The following BMP8A variants were observed in gnomAD, a reference collection of about 807,000 sequenced individuals.
The protein encoded by BMP8A is BMP-8A.
Under a neutral mutation model 36.8 loss-of-function variants are expected in BMP8A, and 14 were observed. The ratio of observed to expected loss-of-function variants is 0.38; its 90% CI spans 0.25 to 0.60. BMP8A has a LOEUF of 0.60. Among genes scored for constraint, BMP8A ranks in the 20% least tolerant of loss-of-function variants. BMP8A has a pLI of 0.63. For synonymous variants in BMP8A, 120 were observed against 237.7 expected (o/e 0.50, Z 4.55); for missense variants, 267 against 551.1 (o/e 0.48, Z 5.16).
intron 1 of BMP8A, among the ~76,000 whole-genome samples, chr1:39,506,695 T>G (rs1383926388): frequency 6.6e-6 from 1 of 152,028 alleles, no homozygotes. Context: ...ACTCCCTGCA[T>G]TATTCCCAGC....
chr1:39,497,359 T>C lies in BMP8A; in HGVS notation c.334+5034T>C, dbSNP rs1045076443. Among the ~76,000 whole-genome samples, 4 of 152,206 alleles carry C rather than the reference T, an allele frequency of 2.6e-5. No individual in the cohort carries two copies. The East Asian group carries it at 7.7e-4, about 29-fold the overall frequency. ...GGTAAGTGAGCCAGCCTCCCGGGGT[T>C]GCATGCAGTGTGGCCAGCTGGAAGC... On this transcript the variant is annotated intron_variant, in intron 1 of 6. Transcript: ENST00000331593.
At chr1:39,517,819 G>A (rs1262306811) in intron 3 of BMP8A, among the ~76,000 whole-genome samples, 2 of 152,268 alleles carry the variant, frequency 1.3e-5, no homozygotes, top group African/African-American at 4.8e-5. Flanking sequence ...GAGGGGAGAG[G>A]CTGCCGGTCC....
chr1:39,507,854 T>C (rs1284517044), intron 1 of BMP8A, among the ~76,000 whole-genome samples: 1 of 152,228 alleles, frequency 6.6e-6, no homozygotes, highest in African/African-American at 2.4e-5. Context: ...GCGTGGACAC[T>C]GAGCCCAGAA....
rs1191243739 is a variant in BMP8A at position 39,527,603 on chromosome 1, T to C, written c.*1805T>C. ...CCCTCCACCTGGACCAGGGAGGGCC[T>C]CCATGTGCAAGCGCAGAGGAAGAGA... On this transcript the variant is annotated 3_prime_UTR_variant, in exon 7 of 7. Coordinates refer to ENST00000331593, the MANE Select transcript of BMP8A (RefSeq NM_181809.4). 3.9e-5 allele frequency among the ~76,000 whole-genome samples: 6 copies of C among 152,168 alleles called. 1 individual carries two copies. The highest frequency in any genetic ancestry group is 8.8e-5 in the Non-Finnish European group (6 of 68,020).
chr1:39,523,424 G>A, intron 6 of BMP8A: 1 of 1,135,448 alleles, frequency 8.8e-7, no homozygotes, highest in East Asian at 2.8e-5. Context: ...GCGCTCAGAG[G>A]CACAGCACAT....
In BMP8A at chr1:39,524,475, G is replaced by A. The variant is rs950441656; in HGVS notation, c.1060-1174G>A. 2.5e-4 allele frequency among the ~76,000 whole-genome samples: 38 copies of A among 152,198 alleles called. No homozygotes were observed. Among genetic ancestry groups the A allele is most frequent in the African/African-American group, 8.9e-4 (37 of 41,450 alleles). On this transcript the variant is annotated intron_variant, in intron 6 of 6. Transcript: ENST00000331593. The surrounding 1 kb of genome is among the most constrained non-coding windows in gnomAD (Gnocchi z 4.0). ...GCCCAGCCTCTCCACACAAGGAGGG[G>A]CACGTCAGCAGCTGGAGGAGGAATG...
chr1:39,496,147 A>AAGATGACTTTCTAGT (rs1645203385), intron 1 of BMP8A, among the ~76,000 whole-genome samples: 5 of 149,520 alleles, frequency 3.3e-5, no homozygotes, highest in South Asian at 2.1e-4. Flanking sequence ...TTTACCAGGG[A>AAGATGACTTTCTAGT]CCTCTTTCAT....
chr1:39,522,828 A>G (rs2252888), intron 5 of BMP8A, among the ~76,000 whole-genome samples, 179 bp from the exon 6 acceptor site: 76 of 146,584 alleles, frequency 5.2e-4, no homozygotes, highest in East Asian at 3.8e-3. Context: ...GGGAGGGGAC[A>G]CAAAGTGAAG....
Position 39,523,450 on chromosome 1 carries a change from A to G in BMP8A, c.1059+333A>G, listed in dbSNP as rs1479579193. ...CACAGCACATGAAACAGATGTGTACACTGTGTGGGGGCTGTGTGATCTTAA... is the reference window on the plus strand; with the variant it reads ...CACAGCACATGAAACAGATGTGTACGCTGTGTGGGGGCTGTGTGATCTTAA... On this transcript the variant is annotated intron_variant, in intron 6 of 6. Transcript: ENST00000331593. 8 of 1,224,932 alleles carry G rather than the reference A, an allele frequency of 6.5e-6. No individual in the cohort carries two copies. The African/African-American group carries it at 1.3e-4, about 19-fold the overall frequency. 75.9% of individuals were successfully genotyped at this position (1,224,932 alleles called of 1,614,324 possible). A position where few individuals can be genotyped will look rare whatever the true frequency, so the allele number is the denominator to read the frequency against.
rs1313570874 is a variant in BMP8A, at chr1:39,524,049, C to G, written c.1059+932C>G. Among the ~76,000 whole-genome samples the G allele has an allele frequency of 6.6e-6, 1 of 152,042 alleles. No homozygotes were observed. Among genetic ancestry groups the G allele is most frequent in the Non-Finnish European group, 1.5e-5 (1 of 68,018 alleles). On this transcript the variant is annotated intron_variant, in intron 6 of 6. Transcript: ENST00000331593. This position sits in a 1 kb window ranked among gnomAD's most constrained non-coding sequence, Gnocchi z 4.0. Reference sequence around the variant, plus strand: ...CCTTGGTGTGAGAGGAAAGAAATTACCAAAAGCTGCTCTGAGCCTATGATA... The same window carrying G: ...CCTTGGTGTGAGAGGAAAGAAATTAGCAAAAGCTGCTCTGAGCCTATGATA...
At chr1:39,506,689 C>T (rs1370577933) in intron 1 of BMP8A, among the ~76,000 whole-genome samples, 1 of 151,946 alleles carries the variant, frequency 6.6e-6, no homozygotes, top group Non-Finnish European at 1.5e-5. Context: ...CCCCACACTC[C>T]CTGCATTATT....
Position 39,524,613 on chromosome 1 carries a change from G to A in BMP8A, c.1060-1036G>A, listed in dbSNP as rs1391872134. ...GTGAAGGGGAGGAGAGTGGAGGGAG[G>A]TGATGCCGGGGTGAGCCAGGCCAGC... On this transcript the variant is annotated intron_variant, in intron 6 of 6. Coordinates refer to ENST00000331593, the MANE Select transcript of BMP8A (RefSeq NM_181809.4). This position sits in a 1 kb window ranked among gnomAD's most constrained non-coding sequence, Gnocchi z 4.0. Among the ~76,000 whole-genome samples, 2 of 152,138 alleles carry A rather than the reference G, an allele frequency of 1.3e-5. No homozygotes were observed. The highest frequency in any genetic ancestry group is 2.9e-5 in the Non-Finnish European group (2 of 68,010).
At chr1:39,499,415 T>G (rs186388610) in intron 1 of BMP8A, among the ~76,000 whole-genome samples, 11 of 152,354 alleles carry the variant, frequency 7.2e-5, no homozygotes, top group Non-Finnish European at 1.5e-4. Flanking sequence ...GGCCACAGGA[T>G]TCTGCTCTGA....
intron 6 of BMP8A, chr1:39,525,243 G>T (rs752280488): frequency 1.8e-4 from 33 of 180,582 alleles, no homozygotes; most frequent in Non-Finnish European, 3.1e-4. Flanking sequence ...AGAGCCTCTG[G>T]GGGGGTCTGA....
At chr1:39,496,049 G>C (rs1162390883) in intron 1 of BMP8A, among the ~76,000 whole-genome samples, 6 of 152,172 alleles carry the variant, frequency 3.9e-5, no homozygotes, top group Non-Finnish European at 7.3e-5. Context: ...TTCGGGACCT[G>C]GCCCGGGTCC....
At chr1:39,510,672 G>A (rs1310042824) in intron 1 of BMP8A, among the ~76,000 whole-genome samples, 2 of 152,024 alleles carry the variant, frequency 1.3e-5, no homozygotes, top group Non-Finnish European at 1.5e-5. Context: ...CTCCCCTGCC[G>A]CACCTCCCAT....
chr1:39,511,599 A>T (rs1411297793), intron 2 of BMP8A, among the ~76,000 whole-genome samples, 157 bp from the exon 3 acceptor site: 1 of 152,114 alleles, frequency 6.6e-6, no homozygotes, highest in Middle Eastern at 3.4e-3. Flanking sequence ...CAGTTTCCCC[A>T]TGTGTACACC....
chr1:39,492,793 T>C (rs1381804080), intron 1 of BMP8A, among the ~76,000 whole-genome samples: 2 of 152,150 alleles, frequency 1.3e-5, no homozygotes, highest in African/African-American at 4.8e-5. Context: ...CACAGCAGGC[T>C]CTTCCCTGTG....
At position 39,529,240 on chromosome 1, in the gene BMP8A, C is replaced by A. The variant is rs1035011543; in HGVS notation, c.*3442C>A. ...AATTTGGGCGTTCCTTGTGTGCCTT[C>A]CTCATAAAACCCACTCCTCCCAGAA... is the stretch of plus-strand genomic sequence containing the variant. On this transcript the variant is annotated 3_prime_UTR_variant, in exon 7 of 7. Transcript: ENST00000331593. 3 of 152,248 alleles carry A rather than the reference C, an allele frequency of 2.0e-5. No homozygotes were observed. The highest frequency in any genetic ancestry group is 4.4e-5 in the Non-Finnish European group (3 of 68,056). The allele number at this position is 152,248 out of a possible 1,614,324, so 9.4% of individuals were successfully genotyped here.
Sources: gnomAD v4.1 joint callset for allele counts (sites outside exome capture counted in the v4.1 genomes callset) on GRCh38, gnomAD v4.1.1 for gene constraint, Gnocchi (gnomAD v3.1) non-coding constraint, MANE v1.5 for transcripts, NCBI Gene and HGNC (gene_info 2026-07-23, HGNC 2026-07-21) for gene names.